Variants in FNDC3B observed in about 807,000 individuals in gnomAD.
FNDC3B encodes fibronectin type III domain-containing protein 3B.
A neutral mutation model predicts 151.5 loss-of-function variants in FNDC3B; 12 were observed. That is an observed-to-expected ratio of 0.08 (90% CI 0.05 to 0.13). The LOEUF is 0.13. FNDC3B is among the 10% of genes least tolerant of loss of function. The probability of loss-of-function intolerance (pLI) is 1.00; values close to 1 mark genes in which losing one functional copy is unlikely to be tolerated. For missense variants in FNDC3B, 1,214 were observed against 1,505.3 expected, an observed-to-expected ratio of 0.81 and a Z score of 3.20; for synonymous variants, 528 against 549.0, an observed-to-expected ratio of 0.96 and a Z score of 0.54.
chr3:172,364,346 T>A (rs1734503803), intron 23 of FNDC3B, among the ~76,000 whole-genome samples: 1 of 152,238 alleles, frequency 6.6e-6, no homozygotes, highest in East Asian at 1.9e-4. Flanking sequence ...GTGGCTTCCA[T>A]TGGTGGTAAA....
At chr3:172,357,979 G>T (rs1734178957) in intron 22 of FNDC3B, among the ~76,000 whole-genome samples, 1 of 152,124 alleles carries the variant, frequency 6.6e-6, no homozygotes, top group South Asian at 2.1e-4. Flanking sequence ...CTTGGCAGAC[G>T]GTCAATGTTG....
intron 3 of FNDC3B, among the ~76,000 whole-genome samples, chr3:172,147,547 A>G (rs1397382951): frequency 6.6e-6 from 1 of 152,040 alleles, no homozygotes; most frequent in Non-Finnish European, 1.5e-5. Context: ...TCAGTATATG[A>G]CATCTATGTC....
At chr3:172,192,182 T>TTG (rs1724550909) in intron 3 of FNDC3B, among the ~76,000 whole-genome samples, 1 of 149,628 alleles carries the variant, frequency 6.7e-6, no homozygotes, top group South Asian at 2.1e-4. Flanking sequence ...TTTTGTTTTT[T>TTG]TTTTTTTTGA....
At chr3:172,245,960 A>G (rs1727753360) in intron 4 of FNDC3B, among the ~76,000 whole-genome samples, 1 of 152,218 alleles carries the variant, frequency 6.6e-6, no homozygotes, top group Non-Finnish European at 1.5e-5. Flanking sequence ...ATGGCCGTTC[A>G]TTCAATCTAA....
At chr3:172,310,510 A>T (rs1731416224) in intron 10 of FNDC3B, among the ~76,000 whole-genome samples, 1 of 152,198 alleles carries the variant, frequency 6.6e-6, no homozygotes, top group Non-Finnish European at 1.5e-5. Flanking sequence ...CTTGAATTCA[A>T]AGTCCCTCTT....
At chr3:172,091,014 C>T (rs945848887) in intron 1 of FNDC3B, among the ~76,000 whole-genome samples, 2 of 152,008 alleles carry the variant, frequency 1.3e-5, no homozygotes, top group Admixed American at 6.6e-5. Context: ...TCTGAAACAC[C>T]TAGGGTCCCA....
chr3:172,386,164 A>G (rs1735696797), intron 25 of FNDC3B, among the ~76,000 whole-genome samples: 1 of 152,208 alleles, frequency 6.6e-6, no homozygotes, highest in African/African-American at 2.4e-5. Context: ...TTCTTTTCAA[A>G]TAGGCTTAAC....
chr3:172,338,651 A>G (rs1488590263), intron 16 of FNDC3B, among the ~76,000 whole-genome samples: 1 of 152,214 alleles, frequency 6.6e-6, no homozygotes, highest in Admixed American at 6.5e-5. Context: ...TAATAGAGAA[A>G]AGTATAGTCT....
chr3:172,111,944 C>T (rs1719996796), intron 1 of FNDC3B, among the ~76,000 whole-genome samples: 2 of 152,050 alleles, frequency 1.3e-5, no homozygotes, highest in Admixed American at 6.6e-5. Context: ...CTTCTTTGTC[C>T]ATCTTTGCCA....
At chr3:172,156,760 G>A (rs1722507379) in intron 3 of FNDC3B, among the ~76,000 whole-genome samples, 1 of 150,448 alleles carries the variant, frequency 6.6e-6, no homozygotes, top group Admixed American at 6.6e-5. Context: ...TGGTTAAAAA[G>A]CAGCTAATTA....
At position 172,040,112 on chromosome 3, in the gene FNDC3B, A is replaced by AC. The variant is rs1390533349; in HGVS notation, c.-29+346dup. ...GGGCAGTGGCTCGCGGCCTCCCCCCACCCCCAGCCTTCCCAGCAGATTTTG... is the reference window on the plus strand; with the variant it reads ...GGGCAGTGGCTCGCGGCCTCCCCCCACCCCCCAGCCTTCCCAGCAGATTTTG... On this transcript the variant is annotated intron_variant, in intron 1 of 25. Coordinates refer to ENST00000415807, the MANE Select transcript of FNDC3B (RefSeq NM_022763.4). This position sits in a 1 kb window ranked among gnomAD's most constrained non-coding sequence, Gnocchi z 6.6. Among the ~76,000 whole-genome samples, 165 of 149,276 alleles carry AC rather than the reference A, an allele frequency of 1.1e-3. No homozygotes were observed. Among genetic ancestry groups the AC allele is most frequent in the African/African-American group, 3.4e-3 (140 of 40,900 alleles).
intron 1 of FNDC3B, among the ~76,000 whole-genome samples, chr3:172,052,596 T>A (rs1315031787): frequency 6.6e-6 from 1 of 151,796 alleles, no homozygotes; most frequent in Non-Finnish European, 1.5e-5. Flanking sequence ...GCAGGGGGAG[T>A]TAAAGACTGT....
chr3:172,160,392 A>G (rs1559994462), intron 3 of FNDC3B, among the ~76,000 whole-genome samples: 4 of 152,114 alleles, frequency 2.6e-5, no homozygotes. Context: ...CCTCATTTTC[A>G]TCACCAGCCT....
chr3:172,178,987 T>C (rs1394624667), intron 3 of FNDC3B, among the ~76,000 whole-genome samples: 1 of 152,262 alleles, frequency 6.6e-6, no homozygotes, highest in Admixed American at 6.5e-5. Flanking sequence ...ATTATGGTTT[T>C]GAAAAGGTTT....
intron 10 of FNDC3B, among the ~76,000 whole-genome samples, chr3:172,308,865 A>G (rs192468546): frequency 1.3e-5 from 2 of 152,364 alleles, no homozygotes; most frequent in Admixed American, 6.5e-5. Context: ...ATATGTAAAT[A>G]TATCTTTGTA....
chr3:172,158,884 C>T (rs1722635228), intron 3 of FNDC3B, among the ~76,000 whole-genome samples: 1 of 152,188 alleles, frequency 6.6e-6, no homozygotes, highest in Non-Finnish European at 1.5e-5. Flanking sequence ...CCTCTCCCTC[C>T]TCCCTTATCT....
At chr3:172,087,481 G>C (rs141099658) in intron 1 of FNDC3B, among the ~76,000 whole-genome samples, 27 of 152,110 alleles carry the variant, frequency 1.8e-4, no homozygotes, top group Non-Finnish European at 3.4e-4. Flanking sequence ...AACTTGGTTA[G>C]ATTTCCTTTG....
chr3:172,388,407 T>G (rs1038466158), intron 25 of FNDC3B, among the ~76,000 whole-genome samples: 3 of 152,230 alleles, frequency 2.0e-5, no homozygotes, highest in Admixed American at 2.0e-4. Flanking sequence ...AGAAATAGTC[T>G]TTGTAAAAAT....
chr3:172,199,888 A>G (rs1725050383), intron 3 of FNDC3B, among the ~76,000 whole-genome samples: 1 of 152,218 alleles, frequency 6.6e-6, no homozygotes, highest in East Asian at 1.9e-4. Context: ...ATCTCCTGCC[A>G]CCACACAGTT....
Sources: allele counts gnomAD v4.1 joint callset (sites outside exome capture counted in the v4.1 genomes callset), GRCh38; gene constraint gnomAD v4.1.1; non-coding constraint Gnocchi (gnomAD v3.1); transcripts MANE v1.5; gene names NCBI Gene and HGNC (gene_info 2026-07-23, HGNC 2026-07-21).